Variants in HERC1 observed in about 807,000 individuals in gnomAD.
HERC1 encodes HECT and RLD domain containing E3 ubiquitin protein ligase family member 1, also known as probable E3 ubiquitin-protein ligase HERC1.
HERC1 carries 160 observed loss-of-function variants against 554.3 expected under a neutral mutation model. That is an observed-to-expected ratio of 0.29 (90% confidence interval 0.25 to 0.33). The LOEUF is 0.33. Among genes scored for constraint, HERC1 ranks in the 10% least tolerant of loss-of-function variants. HERC1 has a pLI of 1.00. For synonymous variants in HERC1, 2,175 were observed against 2,131.7 expected, an observed-to-expected ratio of 1.02 and a Z score of -0.56; for missense variants, 4,919 against 5,918.5, an observed-to-expected ratio of 0.83 and a Z score of 5.54.
chr15:63,782,380 T>C (rs912550148), intron 1 of HERC1, among the ~76,000 whole-genome samples: 4 of 152,268 alleles, frequency 2.6e-5, no homozygotes. Flanking sequence ...CTACTCTCCC[T>C]GTGCTCTACT....
At chr15:63,728,876 T>C (rs997125936) in intron 16 of HERC1, among the ~76,000 whole-genome samples, 2 of 146,608 alleles carry the variant, frequency 1.4e-5, no homozygotes, top group Non-Finnish European at 3.0e-5. Context: ...AAAGAAAGAA[T>C]TTCAAGAAGG....
intron 33 of HERC1, among the ~76,000 whole-genome samples, chr15:63,687,205 A>C (rs928610087): frequency 2.0e-5 from 3 of 152,206 alleles, no homozygotes; most frequent in Admixed American, 1.3e-4. Context: ...ATGAAGGCAG[A>C]GAGACTGACT....
chr15:63,631,372 T>G (rs974418487), intron 68 of HERC1, among the ~76,000 whole-genome samples: 1 of 152,172 alleles, frequency 6.6e-6, no homozygotes, highest in African/African-American at 2.4e-5. Context: ...GAGCTCCTAA[T>G]TGCCTACTGC....
At chr15:63,635,903 C>T in intron 65 of HERC1, 58 bp downstream of exon 65, 1 of 1,524,588 alleles carries the variant, frequency 6.6e-7, no homozygotes, top group Non-Finnish European at 9.0e-7. Flanking sequence ...TTTAAGAAAC[C>T]TATTCAACAA....
intron 21 of HERC1, among the ~76,000 whole-genome samples, chr15:63,717,055 C>T (rs1379133071): frequency 1.3e-5 from 2 of 152,138 alleles, no homozygotes; most frequent in Non-Finnish European, 2.9e-5. Flanking sequence ...AAAACAGATA[C>T]TCAGACAGTC....
chr15:63,628,649 G>A (rs1044114289), intron 70 of HERC1, 28 bp downstream of exon 70: 3 of 1,591,774 alleles, frequency 1.9e-6, no homozygotes, highest in Non-Finnish European at 8.5e-7. Context: ...AAGAAACGCT[G>A]CAGGAGCATG....
At chr15:63,720,538 A>C (rs1356197855) in intron 19 of HERC1, among the ~76,000 whole-genome samples, 1 of 152,194 alleles carries the variant, frequency 6.6e-6, no homozygotes, top group Non-Finnish European at 1.5e-5. Flanking sequence ...CAGAGATAAA[A>C]ATGTTATATG....
chr15:63,635,092 G>A (rs2068724742), intron 65 of HERC1, among the ~76,000 whole-genome samples: 1 of 151,544 alleles, frequency 6.6e-6, no homozygotes, highest in Non-Finnish European at 1.5e-5. Flanking sequence ...CTGTCACCTA[G>A]GCTGGAGTGC....
intron 1 of HERC1, among the ~76,000 whole-genome samples, chr15:63,831,696 G>A (rs919346223): frequency 2.0e-5 from 3 of 151,904 alleles, no homozygotes; most frequent in African/African-American, 4.8e-5. Flanking sequence ...TTTTTTGGGG[G>A]AAAACATGCT....
intron 12 of HERC1, among the ~76,000 whole-genome samples, chr15:63,741,441 C>G (rs1452682308): frequency 6.6e-6 from 1 of 151,878 alleles, no homozygotes; most frequent in Non-Finnish European, 1.5e-5. Flanking sequence ...TCTCCTGCCT[C>G]AGCTGGGATT....
chr15:63,832,187 C>T (rs955940552), intron 1 of HERC1, among the ~76,000 whole-genome samples: 3 of 152,176 alleles, frequency 2.0e-5, no homozygotes, highest in Admixed American at 6.6e-5. Flanking sequence ...CTTTGCCCTT[C>T]CTAATGCTAT....
intron 33 of HERC1, among the ~76,000 whole-genome samples, chr15:63,687,918 CAAG>C (rs1246790091): frequency 6.6e-6 from 1 of 152,146 alleles, no homozygotes; most frequent in Non-Finnish European, 1.5e-5. Context: ...TCAAGAACTA[CAAG>C]AAGAAGGCAA....
chr15:63,655,264 G>A (rs539712697), intron 50 of HERC1, among the ~76,000 whole-genome samples: 1 of 152,202 alleles, frequency 6.6e-6, no homozygotes, highest in East Asian at 1.9e-4. Flanking sequence ...TGAGGCAGGA[G>A]AATCACTTGA....
At chr15:63,764,886 C>T (rs924414508) in intron 2 of HERC1, among the ~76,000 whole-genome samples, 3 of 152,162 alleles carry the variant, frequency 2.0e-5, no homozygotes, top group African/African-American at 7.2e-5. Context: ...CAAGCATGCA[C>T]ATTAAGAGGC....
chr15:63,810,206 A>G (rs1027743250), intron 1 of HERC1, among the ~76,000 whole-genome samples: 1 of 152,234 alleles, frequency 6.6e-6, no homozygotes, highest in Admixed American at 6.5e-5. Flanking sequence ...ACTCAAACAG[A>G]TATTTGTACA....
intron 72 of HERC1, 131 bp downstream of exon 72, chr15:63,624,027 G>A: frequency 1.1e-5 from 13 of 1,225,278 alleles, no homozygotes; most frequent in Non-Finnish European, 1.4e-5. Context: ...AACCACACCA[G>A]GTACTAATGT....
intron 1 of HERC1, among the ~76,000 whole-genome samples, chr15:63,784,711 G>A (rs557981156): frequency 2.0e-4 from 31 of 152,102 alleles, no homozygotes; most frequent in Non-Finnish European, 3.2e-4. Flanking sequence ...AGGTTCAAGC[G>A]ACTCTCCTGC....
chr15:63,644,913 T>C (rs1029335820), intron 57 of HERC1, 79 bp downstream of exon 57: 72 of 1,103,964 alleles, frequency 6.5e-5, no homozygotes, highest in East Asian at 4.7e-5. Flanking sequence ...ATGACTTTTT[T>C]AGTAACCAAG....
At chr15:63,770,449 T>A (rs1234292358) in intron 2 of HERC1, among the ~76,000 whole-genome samples, 1 of 152,244 alleles carries the variant, frequency 6.6e-6, no homozygotes, top group Non-Finnish European at 1.5e-5. Context: ...CAAAGCTTAT[T>A]CATCTTTTTA....
Sources: allele counts gnomAD v4.1 joint callset (sites outside exome capture counted in the v4.1 genomes callset), GRCh38; gene constraint gnomAD v4.1.1; transcripts MANE v1.5; gene names NCBI Gene and HGNC (gene_info 2026-07-23, HGNC 2026-07-21).